DAB1: variants seen among roughly 807,000 people sequenced by gnomAD.
The protein encoded by DAB1 is disabled homolog 1.
DAB1 carries 15 observed loss-of-function variants against 64.6 expected under a neutral mutation model. The observed-to-expected ratio is 0.23, with a 90% CI of 0.16 to 0.36. The LOEUF (loss-of-function observed/expected upper bound fraction) is 0.36, where lower values mean the gene tolerates loss of function less well. DAB1 is among the 10% of genes least tolerant of loss of function. The pLI, the probability that DAB1 is intolerant of heterozygous loss-of-function variation, is 1.00. For missense variants in DAB1, 596 were observed against 706.7 expected (o/e 0.84, Z 1.78); for synonymous variants, 235 against 251.9 (o/e 0.93, Z 0.64).
intron 3 of DAB1, among the ~76,000 whole-genome samples, chr1:58,352,560 A>G (rs1447935690): frequency 6.6e-6 from 1 of 152,056 alleles, no homozygotes; most frequent in African/African-American, 2.4e-5. Flanking sequence ...TAATTTTCCA[A>G]ACTCCACTCT....
chr1:58,186,181 G>A (rs945771573), intron 4 of DAB1, among the ~76,000 whole-genome samples: 3 of 152,138 alleles, frequency 2.0e-5, no homozygotes, highest in Non-Finnish European at 2.9e-5. Context: ...AGTGGGGGTC[G>A]AGTTCATGGC....
chr1:57,909,484 A>G (rs1413643802), intron 5 of DAB1, among the ~76,000 whole-genome samples: 1 of 152,226 alleles, frequency 6.6e-6, no homozygotes, highest in Non-Finnish European at 1.5e-5. Context: ...TGAACTTAGA[A>G]AAAGACCTGA....
intron 7 of DAB1, among the ~76,000 whole-genome samples, chr1:57,532,191 G>T (rs1187975961): frequency 6.6e-6 from 1 of 152,110 alleles, no homozygotes; most frequent in Non-Finnish European, 1.5e-5. Context: ...AGTTAGGTTT[G>T]CTTCTCTGGG....
intron 1 of DAB1, among the ~76,000 whole-genome samples, chr1:57,871,960 T>C (rs1451019049): frequency 1.3e-5 from 2 of 152,124 alleles, no homozygotes; most frequent in African/African-American, 2.4e-5. Flanking sequence ...GACTCTGCTA[T>C]TTAGGGGACT....
At chr1:57,337,477 T>C (rs1677172522) in intron 1 of DAB1, among the ~76,000 whole-genome samples, 1 of 152,316 alleles carries the variant, frequency 6.6e-6, no homozygotes, top group African/African-American at 2.4e-5. Flanking sequence ...TTTGCTCAAA[T>C]GCCACTGTCT....
At chr1:57,779,962 T>C (rs1300967334) in intron 6 of DAB1, among the ~76,000 whole-genome samples, 12 of 152,166 alleles carry the variant, frequency 7.9e-5, no homozygotes, top group Non-Finnish European at 1.2e-4. Context: ...TTCCCCACCT[T>C]GCTTACAAAT....
intron 6 of DAB1, among the ~76,000 whole-genome samples, chr1:57,693,639 C>A (rs1430762550): frequency 6.6e-6 from 1 of 152,196 alleles, no homozygotes; most frequent in African/African-American, 2.4e-5. Context: ...TCACTCTTCA[C>A]AATAAATCTT....
At chr1:57,104,476 G>A (rs1020051491) in intron 4 of DAB1, among the ~76,000 whole-genome samples, 1 of 152,250 alleles carries the variant, frequency 6.6e-6, no homozygotes, top group Admixed American at 6.5e-5. Flanking sequence ...TAGAAAAGGT[G>A]TGCTGGGAAT....
chr1:58,376,494 T>C (rs1368770137), intron 3 of DAB1, among the ~76,000 whole-genome samples: 2 of 142,128 alleles, frequency 1.4e-5, no homozygotes, highest in African/African-American at 5.3e-5. Context: ...TGGCTCTGAG[T>C]GAGATTCTTA....
intron 6 of DAB1, among the ~76,000 whole-genome samples, chr1:57,712,098 C>T (rs1570759866): frequency 6.6e-6 from 1 of 152,168 alleles, no homozygotes; most frequent in African/African-American, 2.4e-5. Flanking sequence ...ACATGACTCA[C>T]TACTGTTTTA....
At chr1:58,136,118 G>C (rs1653929746) in intron 5 of DAB1, among the ~76,000 whole-genome samples, 1 of 152,162 alleles carries the variant, frequency 6.6e-6, no homozygotes, top group Non-Finnish European at 1.5e-5. Flanking sequence ...AAACATAGCA[G>C]TGCCCAAGAC....
At chr1:58,337,601 C>T (rs1663150390) in intron 4 of DAB1, among the ~76,000 whole-genome samples, 1 of 152,006 alleles carries the variant, frequency 6.6e-6, no homozygotes, top group Non-Finnish European at 1.5e-5. Context: ...ACCTTGGCTT[C>T]CTCATATGTA....
chr1:58,372,916 T>C (rs376065239), intron 3 of DAB1, among the ~76,000 whole-genome samples: 17 of 152,174 alleles, frequency 1.1e-4, no homozygotes, highest in African/African-American at 4.1e-4. Context: ...CTCTTTTCTT[T>C]ATAAATTATC....
At chr1:58,083,042 A>G (rs1366992144) in intron 5 of DAB1, among the ~76,000 whole-genome samples, 2 of 152,360 alleles carry the variant, frequency 1.3e-5, no homozygotes, top group East Asian at 1.9e-4. Flanking sequence ...TTGAATGTCA[A>G]TAAAACAGCA....
At chr1:57,768,499 C>G (rs1184358343) in intron 6 of DAB1, among the ~76,000 whole-genome samples, 1 of 150,734 alleles carries the variant, frequency 6.6e-6, no homozygotes, top group Non-Finnish European at 1.5e-5. Context: ...AGGGATTTAC[C>G]TATATACCAC....
At chr1:57,245,786 G>A (rs1378395443) in intron 2 of DAB1, among the ~76,000 whole-genome samples, 2 of 152,038 alleles carry the variant, frequency 1.3e-5, no homozygotes, top group South Asian at 4.2e-4. Flanking sequence ...TAATCCTTTG[G>A]GTATATACCC....
intron 5 of DAB1, among the ~76,000 whole-genome samples, chr1:58,011,322 T>C (rs981831893): frequency 5.3e-5 from 8 of 152,226 alleles, no homozygotes; most frequent in African/African-American, 1.2e-4. Flanking sequence ...ATAAATGAAA[T>C]TGGCAGATCT....
intron 3 of DAB1, among the ~76,000 whole-genome samples, chr1:58,399,389 C>T (rs1644551184): frequency 6.6e-6 from 1 of 152,156 alleles, no homozygotes; most frequent in African/African-American, 2.4e-5. Context: ...GGGCTGGGAT[C>T]CAAGCCTCCC....
intron 3 of DAB1, among the ~76,000 whole-genome samples, chr1:58,488,687 G>C (rs1256526650): frequency 6.6e-6 from 1 of 152,098 alleles, no homozygotes; most frequent in Non-Finnish European, 1.5e-5. Context: ...CCCGACCTCA[G>C]GTATCTCCTG....
Sources: allele counts gnomAD v4.1 joint callset (sites outside exome capture counted in the v4.1 genomes callset), GRCh38; gene constraint gnomAD v4.1.1; transcripts MANE v1.5; gene names NCBI Gene and HGNC (gene_info 2026-07-23, HGNC 2026-07-21).